Variants in FARS2 observed in about 807,000 individuals in gnomAD.
FARS2 encodes the protein phenylalanine--tRNA ligase, mitochondrial.
A neutral mutation model predicts 46.4 loss-of-function variants in FARS2; 40 were observed. That is an observed-to-expected ratio of 0.86 (90% CI 0.67 to 1.12). FARS2 has a LOEUF of 1.12. Among genes scored for constraint, FARS2 ranks in the 50% most tolerant of loss-of-function variants. The pLI, the probability that FARS2 is intolerant of heterozygous loss-of-function variation, is 0.00. For missense variants in FARS2, 513 were observed against 567.9 expected (o/e 0.90, Z 0.98); for synonymous variants, 234 against 214.9 (o/e 1.09, Z -0.78).
intron 3 of FARS2, among the ~76,000 whole-genome samples, 178 bp downstream of exon 3, chr6:5,404,879 A>C (rs1761475076): frequency 6.7e-6 from 1 of 149,324 alleles, no homozygotes; most frequent in Non-Finnish European, 1.5e-5. Flanking sequence ...GGCTCACTGC[A>C]ACCTCCACCT....
chr6:5,305,650 G>A lies in FARS2; in HGVS notation c.-22+43990G>A, dbSNP rs189091867. Among the ~76,000 whole-genome samples, 475 of 152,306 alleles carry A rather than the reference G, an allele frequency of 3.1e-3. 2 individuals are homozygous for A. The highest frequency in any genetic ancestry group is 0.011 in the African/African-American group (452 of 41,546). On this transcript the variant is annotated intron_variant, in intron 1 of 6. Coordinates refer to ENST00000274680, the MANE Select transcript of FARS2 (RefSeq NM_006567.5). The stretch of plus-strand genomic sequence containing the variant: ...GCTTCCCCACGATCACACAGATGGT[G>A]GGTGACTGGGGACCCCAAGTTGGGT...
chr6:5,391,748 G>T (rs538495253), intron 2 of FARS2, among the ~76,000 whole-genome samples: 2 of 152,230 alleles, frequency 1.3e-5, no homozygotes, highest in East Asian at 3.9e-4. Flanking sequence ...CCCTTTAAAT[G>T]TGTGTTTAAA....
chr6:5,255,906 A>AT, the FARS2 span, among the ~76,000 whole-genome samples: 1 of 152,208 alleles, frequency 6.6e-6, no homozygotes, highest in African/African-American at 2.4e-5. Flanking sequence ...GTATTCCTAG[A>AT]TAATTCATCT....
chr6:5,260,408 G>T (rs997455274), upstream of FARS2, among the ~76,000 whole-genome samples: 5 of 152,232 alleles, frequency 3.3e-5, no homozygotes, highest in Non-Finnish European at 7.3e-5. Flanking sequence ...AGCCTTTAGG[G>T]GGAAAACGTC....
At chr6:5,368,439 TG>T in intron 1 of FARS2, 110 bp from the exon 2 acceptor site, 2 of 892,080 alleles carry the variant, frequency 2.2e-6, no homozygotes, top group Non-Finnish European at 3.5e-6. Flanking sequence ...GAGGTCGTAG[TG>T]GGGGAAACAT....
chr6:5,449,160 C>G (rs1444189930), intron 4 of FARS2, among the ~76,000 whole-genome samples: 1 of 151,948 alleles, frequency 6.6e-6, no homozygotes, highest in Admixed American at 6.6e-5. Context: ...ACCAACCTGG[C>G]CAACATGGTG....
intron 5 of FARS2, among the ~76,000 whole-genome samples, chr6:5,574,438 G>C (rs1317965093): frequency 6.6e-6 from 1 of 152,184 alleles, no homozygotes; most frequent in African/African-American, 2.4e-5. Context: ...TAGGTCTACT[G>C]TATGGAGCGG....
intron 6 of FARS2, among the ~76,000 whole-genome samples, chr6:5,709,161 T>A (rs1463594790): frequency 6.6e-6 from 1 of 152,188 alleles, no homozygotes; most frequent in Non-Finnish European, 1.5e-5. Flanking sequence ...AGGGCTTTGT[T>A]GCTTTGGGTG....
At chr6:5,534,856 C>CGT (rs761829825) in intron 4 of FARS2, among the ~76,000 whole-genome samples, 8 of 150,062 alleles carry the variant, frequency 5.3e-5, no homozygotes, top group Admixed American at 3.3e-4. Flanking sequence ...CACACTTGCA[C>CGT]GCGCACACAC....
intron 5 of FARS2, among the ~76,000 whole-genome samples, chr6:5,547,017 T>G (rs1771071366): frequency 6.6e-6 from 1 of 152,068 alleles, no homozygotes; most frequent in African/African-American, 2.4e-5. Flanking sequence ...AATGGCATGA[T>G]CTCAGCTCAC....
chr6:5,719,829 A>G (rs1457006141), intron 6 of FARS2, among the ~76,000 whole-genome samples: 2 of 152,230 alleles, frequency 1.3e-5, no homozygotes, highest in African/African-American at 4.8e-5. Flanking sequence ...ATTGCAGCCC[A>G]TTCAAAAATA....
intron 6 of FARS2, among the ~76,000 whole-genome samples, chr6:5,709,611 G>A (rs1209325968): frequency 2.0e-5 from 3 of 151,760 alleles, no homozygotes; most frequent in Non-Finnish European, 4.4e-5. Flanking sequence ...TCTTAAGATC[G>A]GAAGACAATG....
upstream of FARS2, among the ~76,000 whole-genome samples, chr6:5,258,688 A>G (rs561074365): frequency 3.3e-5 from 5 of 152,370 alleles, no homozygotes; most frequent in Non-Finnish European, 5.9e-5. Context: ...CTCAGGTAAC[A>G]GTATAAAATG....
intron 6 of FARS2, among the ~76,000 whole-genome samples, chr6:5,759,512 G>A (rs576385118): frequency 4.6e-5 from 7 of 152,170 alleles, no homozygotes; most frequent in South Asian, 2.1e-4. Flanking sequence ...GTGGGTGGTC[G>A]GCATTCATTT....
intron 6 of FARS2, among the ~76,000 whole-genome samples, chr6:5,723,129 T>C (rs907009714): frequency 1.3e-5 from 2 of 152,142 alleles, no homozygotes; most frequent in Non-Finnish European, 1.5e-5. Flanking sequence ...GTTTGTGATC[T>C]TATTAAGTAA....
At chr6:5,349,008 T>C (rs1428264428) in intron 1 of FARS2, among the ~76,000 whole-genome samples, 1 of 152,142 alleles carries the variant, frequency 6.6e-6, no homozygotes, top group East Asian at 1.9e-4. Context: ...GACATTCAGA[T>C]TAGAAAGGAA....
At position 5,389,443 on chromosome 6, in the gene FARS2, G is replaced by C. The variant is rs150088958; in HGVS notation, c.613-15099G>C. 2.8e-3 allele frequency among the ~76,000 whole-genome samples: 431 copies of C among 152,188 alleles called. 2 individuals carry two copies. The highest frequency in any genetic ancestry group is 9.9e-3 in the African/African-American group (413 of 41,530). On this transcript the variant is annotated intron_variant, in intron 2 of 6. Coordinates refer to ENST00000274680, the MANE Select transcript of FARS2 (RefSeq NM_006567.5). Reference sequence around the variant, plus strand: ...ATGTACTCAATCTGTCTACTGAAACGATTTTGTTTGGCTGCATTACCTAGC... The same window carrying C: ...ATGTACTCAATCTGTCTACTGAAACCATTTTGTTTGGCTGCATTACCTAGC...
rs182187208 is a variant in FARS2, at chr6:5,639,737, A to G, written c.1217+26417A>G. Among the ~76,000 whole-genome samples the G allele has an allele frequency of 4.5e-3, 680 of 152,250 alleles. 7 individuals are homozygous for G. The highest frequency in any genetic ancestry group is 0.016 in the African/African-American group (647 of 41,550). On this transcript the variant is annotated intron_variant, in intron 6 of 6. Coordinates refer to ENST00000274680, the MANE Select transcript of FARS2 (RefSeq NM_006567.5). ...AGTGTAAGCGCTTGAAAAGTGTCCT[A>G]TTGTACTTACAACACTTCGTTGATG... is the stretch of plus-strand genomic sequence containing the variant.
At chr6:5,626,310 C>T (rs1292354782) in intron 6 of FARS2, among the ~76,000 whole-genome samples, 2 of 152,114 alleles carry the variant, frequency 1.3e-5, no homozygotes, top group African/African-American at 4.8e-5. Context: ...CCAAGTGCAT[C>T]GCCACCTACC....
Sources: gnomAD v4.1 joint callset for allele counts (sites outside exome capture counted in the v4.1 genomes callset) on GRCh38, gnomAD v4.1.1 for gene constraint, MANE v1.5 for transcripts, NCBI Gene and HGNC (gene_info 2026-07-23, HGNC 2026-07-21) for gene names.